The following GSE1 variants were observed in gnomAD, a reference collection of about 807,000 sequenced individuals.
GSE1 encodes Gse1 coiled-coil protein.
GSE1 carries 32 observed loss-of-function variants against 112.6 expected under a neutral mutation model. The ratio of observed to expected loss-of-function variants is 0.28; its 90% CI spans 0.21 to 0.38. GSE1 has a LOEUF of 0.38. GSE1 is among the 10% of genes least tolerant of loss of function. GSE1 has a pLI of 1.00. For missense variants in GSE1, 2,348 were observed against 1,699.2 expected (o/e 1.38, Z -6.71); for synonymous variants, 1,115 against 735.6 (o/e 1.52, Z -8.35).
Position 85,426,314 on chromosome 16 carries a change from G to T in GSE1, c.2464+68671G>T, listed in dbSNP as rs1286880668. ...GGGTGAATGGGAGGAAGGAAGGAAG[G>T]GTGGGTGGGTAGATGTATATATGGA... On this transcript the variant is annotated intron_variant, in intron 2 of 2. Transcript: ENST00000637419. 4.7e-5 allele frequency among the ~76,000 whole-genome samples: 7 copies of T among 149,744 alleles called. No homozygotes were observed. In the South Asian group the frequency reaches 1.5e-3, roughly 32 times the overall value.
chr16:85,539,571 G>C (rs557044565), intron 2 of GSE1, among the ~76,000 whole-genome samples: 4 of 152,184 alleles, frequency 2.6e-5, no homozygotes, highest in Non-Finnish European at 5.9e-5. Flanking sequence ...TGGCCTAAAG[G>C]ATTCAGCTTT....
intron 1 of GSE1, among the ~76,000 whole-genome samples, chr16:85,300,634 G>T (rs943759029): frequency 1.3e-5 from 2 of 152,164 alleles, no homozygotes; most frequent in Non-Finnish European, 2.9e-5. Flanking sequence ...TTCCTCTCTC[G>T]CCGAGGAATA....
chr16:85,565,423 A>T (rs11864830), intron 1 of GSE1, among the ~76,000 whole-genome samples: 1 of 151,070 alleles, frequency 6.6e-6, no homozygotes, highest in Non-Finnish European at 1.5e-5. Flanking sequence ...AAACAAAAAA[A>T]CCACCAACCA....
chr16:85,641,331 A>T (rs990805142), intron 2 of GSE1, among the ~76,000 whole-genome samples: 2 of 152,162 alleles, frequency 1.3e-5, no homozygotes, highest in African/African-American at 4.8e-5. Flanking sequence ...ACGCATCTCC[A>T]GCTAGAAACC....
chr16:85,523,435 C>T (rs543510133), intron 2 of GSE1, among the ~76,000 whole-genome samples: 1 of 152,350 alleles, frequency 6.6e-6, no homozygotes, highest in African/African-American at 2.4e-5. Context: ...AAATACATTG[C>T]CATCTGGCTG....
At chr16:85,644,788 C>T (rs1040409271) in intron 2 of GSE1, among the ~76,000 whole-genome samples, 2 of 151,926 alleles carry the variant, frequency 1.3e-5, no homozygotes, top group Admixed American at 1.3e-4. Context: ...GGGTGAATTA[C>T]GCGGGATGGA....
intron 2 of GSE1, among the ~76,000 whole-genome samples, chr16:85,451,951 G>A (rs557266314): frequency 2.6e-5 from 4 of 152,240 alleles, no homozygotes; most frequent in African/African-American, 4.8e-5. Flanking sequence ...CAAGAGGCCC[G>A]TCTCTGCCTG....
chr16:85,527,331 G>A (rs562339709), intron 2 of GSE1, among the ~76,000 whole-genome samples: 45 of 152,370 alleles, frequency 3.0e-4, no homozygotes, highest in South Asian at 8.3e-4. Flanking sequence ...TGCCCCTGCC[G>A]GGAGGGAGGG....
At chr16:85,538,179 C>A (rs2044397815) in intron 2 of GSE1, among the ~76,000 whole-genome samples, 1 of 152,212 alleles carries the variant, frequency 6.6e-6, no homozygotes, top group Non-Finnish European at 1.5e-5. Context: ...CCGGGCCACC[C>A]TAGAGCCACC....
chr16:85,460,640 C>T lies in GSE1; in HGVS notation c.2464+102997C>T, dbSNP rs76244953. Among the ~76,000 whole-genome samples, 1,063 of 152,362 alleles carry T rather than the reference C, an allele frequency of 7.0e-3. 11 individuals carry two copies. Among genetic ancestry groups the T allele is most frequent in the Middle Eastern group, 0.031 (9 of 294 alleles). ...CAAGCTGGGCAAGAGCCGGCAGTGA[C>T]CTCTCCTTGCCCGAGCTAATGTCAC... On this transcript the variant is annotated intron_variant, in intron 2 of 2. Coordinates refer to the GSE1 transcript ENST00000637419.
chr16:85,595,584 G>A (rs368017173), intron 1 of GSE1: 2 of 152,248 alleles, frequency 1.3e-5, no homozygotes, highest in South Asian at 2.1e-4. Context: ...CCATGTGGTT[G>A]GGACTTTGTA....
chr16:85,211,755 A>G (rs1205679170), intron 1 of GSE1, among the ~76,000 whole-genome samples: 1 of 152,178 alleles, frequency 6.6e-6, no homozygotes, highest in African/African-American at 2.4e-5. Flanking sequence ...CGAGAGAGGT[A>G]TCAGTGCCTG....
At chr16:85,666,861 G>C (rs1401107731) in intron 13 of GSE1, among the ~76,000 whole-genome samples, 1 of 152,234 alleles carries the variant, frequency 6.6e-6, no homozygotes, top group Non-Finnish European at 1.5e-5. Flanking sequence ...ACCAGCTTCA[G>C]ATTAGAAATA....
chr16:85,641,256 C>T (rs1318893959), intron 2 of GSE1, among the ~76,000 whole-genome samples: 1 of 152,270 alleles, frequency 6.6e-6, no homozygotes, highest in African/African-American at 2.4e-5. Flanking sequence ...CTCCCGGCTC[C>T]ATCCGGCTCC....
chr16:85,286,183 C>T (rs1279537242), intron 1 of GSE1, among the ~76,000 whole-genome samples: 1 of 152,230 alleles, frequency 6.6e-6, no homozygotes, highest in Non-Finnish European at 1.5e-5. Context: ...GCAAAGGGCC[C>T]CGTGCTCCGA....
chr16:85,580,514 G>C (rs2151381445), intron 1 of GSE1, among the ~76,000 whole-genome samples: 1 of 152,318 alleles, frequency 6.6e-6, no homozygotes, highest in Admixed American at 6.5e-5. Flanking sequence ...CAGAGAGACT[G>C]GGTTTAGACC....
At chr16:85,367,692 G>T (rs549489800) in intron 2 of GSE1, among the ~76,000 whole-genome samples, 4 of 152,222 alleles carry the variant, frequency 2.6e-5, no homozygotes, top group African/African-American at 9.6e-5. Context: ...GGCGGGGACC[G>T]TGGCTCCCTG....
chr16:85,199,720 G>A (rs918733527), intron 1 of GSE1, among the ~76,000 whole-genome samples: 1 of 152,098 alleles, frequency 6.6e-6, no homozygotes, highest in African/African-American at 2.4e-5. Context: ...CAAAAAGGAT[G>A]ACATTGGGAC....
At chr16:85,344,339 C>T (rs1054765503) in intron 1 of GSE1, among the ~76,000 whole-genome samples, 2 of 152,144 alleles carry the variant, frequency 1.3e-5, no homozygotes, top group African/African-American at 2.4e-5. Context: ...GTGAGCAGCC[C>T]GCGCGTTGCT....
Sources: gnomAD v4.1 joint callset for allele counts (sites outside exome capture counted in the v4.1 genomes callset) on GRCh38, gnomAD v4.1.1 for gene constraint, MANE v1.5 for transcripts, NCBI Gene and HGNC (gene_info 2026-07-23, HGNC 2026-07-21) for gene names.